Variants in APP observed in about 807,000 individuals in gnomAD.
The protein encoded by APP is amyloid beta precursor protein.
Under a neutral mutation model 101.4 loss-of-function variants are expected in APP, and 31 were observed. The ratio of observed to expected loss-of-function variants is 0.31; its 90% CI spans 0.23 to 0.41. The LOEUF is 0.41. APP is among the 10% of genes least tolerant of loss of function. The probability of loss-of-function intolerance (pLI) is 1.00; values close to 1 mark genes in which losing one functional copy is unlikely to be tolerated. For missense variants in APP, 839 were observed against 1,003.7 expected (o/e 0.84, Z 2.22); for synonymous variants, 366 against 364.4 (o/e 1.00, Z -0.05).
intron 11 of APP, among the ~76,000 whole-genome samples, chr21:25,959,468 G>C (rs973914514): frequency 6.6e-6 from 1 of 152,134 alleles, no homozygotes; most frequent in Non-Finnish European, 1.5e-5. Flanking sequence ...TAAAAACAAA[G>C]AAATAAGTGC....
Position 25,975,154 on chromosome 21 carries a change from C to T in APP, c.1374G>A (p.Met458Ile). Residue 458 changes from methionine to isoleucine, a missense_variant, in exon 11 of 18, where the codon ATG becomes ATA. Met to Ile is a conservative substitution (Grantham distance 10, BLOSUM62 1). Transcript: ENST00000346798. ...CATTGAGCATGGCTTCCACTCTGGC[C>T]ATGTGTGTCTCCACCAGCTGCTGTC... is the stretch of plus-strand genomic sequence containing the variant. The part of the protein sequence containing the change: ...NERQQLVETH[M>I]ARVEAMLNDR... The T allele has an allele frequency of 1.9e-6, 3 of 1,614,102 alleles. No individual in the cohort carries two copies. Among genetic ancestry groups the T allele is most frequent in the Non-Finnish European group, 2.5e-6 (3 of 1,179,998 alleles).
intron 8 of APP, among the ~76,000 whole-genome samples, chr21:25,985,745 C>A (rs140776446): frequency 1.5e-4 from 23 of 152,226 alleles, no homozygotes; most frequent in Admixed American, 2.6e-4. Context: ...TCAAGTAAAT[C>A]TTTGTTAACA....
chr21:25,967,081 C>T (rs746247161), intron 11 of APP, among the ~76,000 whole-genome samples: 1 of 152,196 alleles, frequency 6.6e-6, no homozygotes, highest in Non-Finnish European at 1.5e-5. Flanking sequence ...TCACAGAATT[C>T]ATGTTCTATC....
At chr21:26,098,991 C>T (rs930756644) in intron 2 of APP, among the ~76,000 whole-genome samples, 6 of 152,138 alleles carry the variant, frequency 3.9e-5, no homozygotes, top group African/African-American at 1.4e-4. Flanking sequence ...ACAAGACTGA[C>T]TAGATTTGAT....
chr21:25,989,648 C>A (rs2042779634), intron 8 of APP, among the ~76,000 whole-genome samples: 1 of 152,142 alleles, frequency 6.6e-6, no homozygotes, highest in South Asian at 2.1e-4. Flanking sequence ...CTTTCATCAG[C>A]AGAAAAGCAA....
intron 6 of APP, among the ~76,000 whole-genome samples, chr21:26,007,821 C>T (rs1329822615): frequency 1.3e-5 from 2 of 152,058 alleles, no homozygotes; most frequent in African/African-American, 4.8e-5. Context: ...AGTGCTTGTA[C>T]GTAGTGGCAA....
chr21:26,053,333 C>T lies in APP; in HGVS notation c.371G>A (p.Ser124Asn). 1 of 1,612,056 alleles carries T rather than the reference C, an allele frequency of 6.2e-7. No individual in the cohort carries two copies. Among genetic ancestry groups the T allele is most frequent in the Non-Finnish European group, 8.5e-7 (1 of 1,178,142 alleles). Residue 124 changes from serine (S) to asparagine (N), a missense_variant, in exon 4 of 18, where the codon AGT (serine) becomes AAT (asparagine). Physicochemically the swap from Ser to Asn is conservative, Grantham distance 46. Coordinates refer to ENST00000346798, the MANE Select transcript of APP (RefSeq NM_000484.4). The part of the protein sequence containing the change: ...PYRCLVGEFV[S>N]DALLVPDKCK... Reference sequence around the variant, plus strand: ...CTTGTCAGGAACGAGAAGGGCATCACTTACAAACTCACCAACTGAAAGAAA... The same window carrying T: ...CTTGTCAGGAACGAGAAGGGCATCATTTACAAACTCACCAACTGAAAGAAA...
chr21:25,905,008 C>G lies in APP; in HGVS notation c.1963+16G>C. The G allele has an allele frequency of 6.2e-7, 1 of 1,613,102 alleles. No homozygotes were observed. The highest frequency in any genetic ancestry group is 8.5e-7 in the Non-Finnish European group (1 of 1,179,396). On this transcript the variant is annotated intron_variant, in intron 15 of 17. Transcript: ENST00000346798. ...GCCCAAGATGCGGAGAGGCACAAGT[C>G]AAGCGGTTCTGATACCTGGTCGAGT...
At chr21:26,159,243 T>G in intron 1 of APP, among the ~76,000 whole-genome samples, 1 of 152,078 alleles carries the variant, frequency 6.6e-6, no homozygotes, top group East Asian at 1.9e-4. Flanking sequence ...CCACGCCCGG[T>G]TAATTTGTTG....
chr21:26,098,460 C>A (rs1345987953), intron 2 of APP, among the ~76,000 whole-genome samples: 1 of 151,958 alleles, frequency 6.6e-6, no homozygotes, highest in African/African-American at 2.4e-5. Context: ...TAAAAAAAAA[C>A]TTTGTAAAGC....
At chr21:25,891,151 A>C (rs1378840784) in intron 17 of APP, among the ~76,000 whole-genome samples, 2 of 151,998 alleles carry the variant, frequency 1.3e-5, no homozygotes, top group Admixed American at 6.6e-5. Context: ...GCAGGGTAAT[A>C]GGTTGCAGAA....
rs574294306 is a variant in APP at position 26,060,622 on chromosome 21, G to T, written c.356-7274C>A. The stretch of plus-strand genomic sequence containing the variant: ...TTACATAGATAAAGCAGAGAAAGGG[G>T]TGGTTTGTTTGTTTTTTCTGAGGGG... On this transcript the variant is annotated intron_variant, in intron 3 of 17. Transcript: ENST00000346798. Among the ~76,000 whole-genome samples the T allele has an allele frequency of 4.6e-5, 7 of 152,330 alleles. No homozygotes were observed. The South Asian group carries it at 1.5e-3, about 32-fold the overall frequency.
intron 1 of APP, among the ~76,000 whole-genome samples, chr21:26,168,336 T>C (rs578117790): frequency 2.0e-5 from 3 of 152,286 alleles, no homozygotes; most frequent in South Asian, 2.1e-4. Flanking sequence ...ATCTTTTCAG[T>C]GGACACAGAG....
intron 15 of APP, among the ~76,000 whole-genome samples, chr21:25,899,744 A>G (rs767135394): frequency 3.9e-5 from 6 of 152,208 alleles, no homozygotes; most frequent in Admixed American, 1.3e-4. Context: ...AAAAACTGTA[A>G]GAAACTAATG....
intron 13 of APP, among the ~76,000 whole-genome samples, chr21:25,941,073 T>C (rs556771581): frequency 1.1e-4 from 16 of 152,352 alleles, no homozygotes; most frequent in African/African-American, 3.8e-4. Context: ...GCACATGAGA[T>C]TTGATACATA....
chr21:26,125,659 T>C (rs1396998478), intron 1 of APP, among the ~76,000 whole-genome samples: 1 of 151,538 alleles, frequency 6.6e-6, no homozygotes, highest in Non-Finnish European at 1.5e-5. Context: ...CTACAGAATG[T>C]GAGTTTGTCC....
chr21:26,046,187 C>T (rs1004378791), intron 5 of APP, among the ~76,000 whole-genome samples: 1 of 151,422 alleles, frequency 6.6e-6, no homozygotes, highest in African/African-American at 2.4e-5. Context: ...ATATCACTGC[C>T]CCCCAAACCA....
intron 3 of APP, among the ~76,000 whole-genome samples, chr21:26,083,616 C>T (rs2146086908): frequency 6.6e-6 from 1 of 152,322 alleles, no homozygotes; most frequent in Middle Eastern, 3.4e-3. Context: ...CAATTCTTAG[C>T]ATGTACTACA....
At chr21:25,887,980 G>T (rs2037450120) in intron 17 of APP, among the ~76,000 whole-genome samples, 1 of 151,624 alleles carries the variant, frequency 6.6e-6, no homozygotes, top group African/African-American at 2.4e-5. Flanking sequence ...TTTTTCCTAG[G>T]GTTCCTATCT....
Sources: gnomAD v4.1 joint callset for allele counts (sites outside exome capture counted in the v4.1 genomes callset) on GRCh38, gnomAD v4.1.1 for gene constraint, MANE v1.5 for transcripts, NCBI Gene and HGNC (gene_info 2026-07-23, HGNC 2026-07-21) for gene names.